SNX24: variants seen among roughly 807,000 people sequenced by gnomAD.
The protein encoded by SNX24 is sorting nexin 24.
In SNX24, 22 loss-of-function variants were observed where a neutral mutation model predicts 28.7. The ratio of observed to expected loss-of-function variants is 0.77; its 90% CI spans 0.55 to 1.10. SNX24 has a LOEUF of 1.10. Among genes scored for constraint, SNX24 ranks in the 50% least tolerant of loss-of-function variants. The pLI, the probability that SNX24 is intolerant of heterozygous loss-of-function variation, is 0.00. For synonymous variants in SNX24, 69 were observed against 71.5 expected (o/e 0.96, Z 0.18); for missense variants, 221 against 201.1 (o/e 1.10, Z -0.60).
chr5:123,023,815 CA>C, intron 5 of SNX24: 1 of 1,555,622 alleles, frequency 6.4e-7, no homozygotes, highest in Non-Finnish European at 8.7e-7. Flanking sequence ...ACAACACACA[CA>C]CACACACACA....
chr5:123,029,185 G>T (rs958088725), intron 5 of SNX24: 14 of 1,548,062 alleles, frequency 9.0e-6, no homozygotes, highest in Middle Eastern at 1.8e-4. Context: ...GGAAAATAAA[G>T]TCAAATGTGG....
intron 1 of SNX24, among the ~76,000 whole-genome samples, chr5:122,879,741 A>C (rs1448004744): frequency 2.6e-5 from 4 of 152,170 alleles, no homozygotes; most frequent in African/African-American, 9.7e-5. Flanking sequence ...GGCTGGTCTT[A>C]AACTCCTGGG....
intron 1 of SNX24, among the ~76,000 whole-genome samples, chr5:122,899,663 C>T (rs1380729955): frequency 6.6e-6 from 1 of 152,116 alleles, no homozygotes; most frequent in Admixed American, 6.6e-5. Context: ...CCTGCCTCAG[C>T]CTCCCAAAGT....
At chr5:122,948,093 A>AAC (rs1266469326) in intron 3 of SNX24, among the ~76,000 whole-genome samples, 13 of 152,274 alleles carry the variant, frequency 8.5e-5, no homozygotes, top group African/African-American at 3.1e-4. Context: ...TTGTCACTTA[A>AAC]TTCCCCCAGG....
chr5:122,999,903 C>T lies in SNX24; in HGVS notation c.250-9C>T. On this transcript the variant is annotated splice_polypyrimidine_tract_variant and intron_variant, in intron 3 of 6. Coordinates refer to ENST00000261369, the MANE Select transcript of SNX24 (RefSeq NM_014035.4). Reference sequence around the variant, plus strand: ...CTTCAGTTTCGAATTCTGTTTTCTGCTTTCACAGGCTGTCATTTTAGAAAA... The same window carrying T: ...CTTCAGTTTCGAATTCTGTTTTCTGTTTTCACAGGCTGTCATTTTAGAAAA... The T allele has an allele frequency of 6.4e-7, 1 of 1,569,250 alleles. No homozygotes were observed. The highest frequency in any genetic ancestry group is 8.8e-7 in the Non-Finnish European group (1 of 1,139,336).
chr5:123,028,875 A>G lies in SNX24; in HGVS notation n.384-363A>G, dbSNP rs753885470. The stretch of plus-strand genomic sequence containing the variant: ...CTTTATATCCATATCCTTTCTAAAG[A>G]GATTACTTCAGTTGAATAACAAGTA... On this transcript the variant is annotated intron_variant and non_coding_transcript_variant, in intron 5 of 5. Coordinates refer to the SNX24 transcript ENST00000502387. 10 of 1,582,602 alleles carry G rather than the reference A, an allele frequency of 6.3e-6. No homozygotes were observed. The South Asian group carries it at 1.1e-4, about 18-fold the overall frequency.
At chr5:123,011,601 G>A (rs2150184256), downstream of SNX24, among the ~76,000 whole-genome samples, 1 of 152,326 alleles carries the variant, frequency 6.6e-6, no homozygotes, top group South Asian at 2.1e-4. Context: ...GACAATGGCT[G>A]CTTGAAGTGC....
chr5:122,895,013 T>C (rs1010760527), intron 1 of SNX24, among the ~76,000 whole-genome samples: 1 of 151,906 alleles, frequency 6.6e-6, no homozygotes, highest in Non-Finnish European at 1.5e-5. Flanking sequence ...CAGTACTTTT[T>C]TTTTTTTTTT....
At chr5:122,907,604 T>G (rs1757695362) in intron 1 of SNX24, among the ~76,000 whole-genome samples, 1 of 152,146 alleles carries the variant, frequency 6.6e-6, no homozygotes, top group East Asian at 1.9e-4. Flanking sequence ...ATTTATACTT[T>G]GCGGTCATTT....
At chr5:122,908,877 G>A (rs1191745615) in intron 1 of SNX24, among the ~76,000 whole-genome samples, 1 of 152,168 alleles carries the variant, frequency 6.6e-6, no homozygotes, top group African/African-American at 2.4e-5. Flanking sequence ...GTGTTGAAGG[G>A]AAGGACTTAA....
intron 1 of SNX24, among the ~76,000 whole-genome samples, chr5:122,907,939 G>A (rs1241104346): frequency 1.3e-5 from 2 of 150,976 alleles, no homozygotes. Flanking sequence ...ATTAGATTTT[G>A]GTAAGATTGA....
intron 1 of SNX24, among the ~76,000 whole-genome samples, chr5:122,883,827 A>T (rs1459601226): frequency 6.6e-6 from 1 of 151,676 alleles, no homozygotes; most frequent in Non-Finnish European, 1.5e-5. Flanking sequence ...CTAATTTTTT[A>T]AAATTTTTGG....
downstream of SNX24, among the ~76,000 whole-genome samples, chr5:123,012,795 C>T (rs1762613955): frequency 6.6e-6 from 1 of 152,196 alleles, no homozygotes; most frequent in South Asian, 2.1e-4. Context: ...TTACTAGTCT[C>T]ACATCCCTGG....
At chr5:123,018,821 G>C (rs997393375) in intron 5 of SNX24, among the ~76,000 whole-genome samples, 1 of 151,964 alleles carries the variant, frequency 6.6e-6, no homozygotes, top group African/African-American at 2.4e-5. Flanking sequence ...CAAGTAGCTG[G>C]GATTACAGGT....
intron 1 of SNX24, among the ~76,000 whole-genome samples, chr5:122,858,785 T>C (rs987104779): frequency 6.6e-6 from 1 of 152,274 alleles, no homozygotes; most frequent in Admixed American, 6.5e-5. Context: ...AAGTTGAACA[T>C]CTTTTTATAT....
chr5:123,013,901 T>C (rs13161665), downstream of SNX24, among the ~76,000 whole-genome samples: 4,115 of 152,260 alleles, frequency 0.027, 72 homozygotes, highest in Non-Finnish European at 0.037. Context: ...CCCATTTTAC[T>C]GAAGAAGAAA....
intron 1 of SNX24, among the ~76,000 whole-genome samples, chr5:122,900,062 C>T (rs1301942423): frequency 6.6e-6 from 1 of 151,996 alleles, no homozygotes; most frequent in Admixed American, 6.6e-5. Flanking sequence ...CTCTGTTGCC[C>T]AGGCTGGAGT....
In SNX24 at chr5:122,936,280, C is replaced by T. The variant is rs545864460; in HGVS notation, c.61-454C>T. Among the ~76,000 whole-genome samples the T allele has an allele frequency of 6.6e-5, 10 of 152,280 alleles. No individual in the cohort carries two copies. The South Asian group carries it at 1.9e-3, about 28-fold the overall frequency. On this transcript the variant is annotated intron_variant, in intron 1 of 6. Coordinates refer to ENST00000261369, the MANE Select transcript of SNX24 (RefSeq NM_014035.4). ...TAGAAAGAAATTAACCTAAAATGCA[C>T]TGCTGTTTGCATGATTGTCTTATAG...
intron 1 of SNX24, among the ~76,000 whole-genome samples, chr5:122,929,911 CTGAATGTGTATATAATAAACCA>C (rs1363938345): frequency 3.3e-5 from 5 of 151,616 alleles, no homozygotes; most frequent in Non-Finnish European, 7.4e-5. Flanking sequence ...AAGAAGGTTC[CTGAATGTGTATATAATAAACCA>C]TTTGTGCTTC....
Sources: gnomAD v4.1 joint callset for allele counts (sites outside exome capture counted in the v4.1 genomes callset) on GRCh38, gnomAD v4.1.1 for gene constraint, MANE v1.5 for transcripts, NCBI Gene and HGNC (gene_info 2026-07-23, HGNC 2026-07-21) for gene names.